The following SURF6 variants were observed in gnomAD, a reference collection of about 807,000 sequenced individuals.
SURF6 encodes the protein surfeit 6, also known as surfeit locus protein 6.
A neutral mutation model predicts 37.5 loss-of-function variants in SURF6; 28 were observed. The ratio of observed to expected loss-of-function variants is 0.75; its 90% CI spans 0.55 to 1.02. The LOEUF is 1.02. Among genes scored for constraint, SURF6 ranks in the 50% least tolerant of loss-of-function variants. The pLI is 0.00. For synonymous variants in SURF6, 248 were observed against 210.9 expected (o/e 1.18, Z -1.52); for missense variants, 560 against 490.5 (o/e 1.14, Z -1.34).
rs974721241 is a variant in SURF6, at chr9:133,331,689, T to C, written c.*180A>G. ...GCGTTCAAGGATGACGCTGAAACTC[T>C]CTCTTTCTCACATGGGATCTGTGAT... is the stretch of plus-strand genomic sequence containing the variant. On this transcript the variant is annotated 3_prime_UTR_variant, in exon 5 of 5. Transcript: ENST00000372022. 5.0e-6 allele frequency: 4 copies of C among 798,650 alleles called. No homozygotes were observed. Among genetic ancestry groups the C allele is most frequent in the Non-Finnish European group, 7.0e-6 (4 of 573,518 alleles). 49.5% of individuals were successfully genotyped at this position (798,650 alleles called of 1,614,324 possible). A position where few individuals can be genotyped will look rare whatever the true frequency, so the allele number is the denominator to read the frequency against.
chr9:133,333,866 G>A, intron 2 of SURF6, 60 bp from the exon 3 acceptor site: 2 of 1,433,508 alleles, frequency 1.4e-6, no homozygotes, highest in Non-Finnish European at 9.7e-7. Context: ...TCCCTCCCTA[G>A]GGCCACGAAT....
Position 133,332,120 on chromosome 9 carries a change from C to T in SURF6, c.835G>A (p.Gly279Ser). 1 of 1,610,442 alleles carries T rather than the reference C, an allele frequency of 6.2e-7. No individual in the cohort carries two copies. The part of the protein sequence containing the change: ...KWTNLLYKAE[G>S]VKIRDDERLL... The stretch of plus-strand genomic sequence containing the variant: ...CGTTCGTCGTCACGGATCTTCACGC[C>T]CTCCGCCTTGTAGAGGAGGTTGGTC... Residue 279 changes from glycine (G) to serine (S), a missense_variant, in exon 5 of 5, where the codon GGC (glycine) becomes AGC (serine). By Grantham distance (56) the Gly-to-Ser change is moderately conservative. Coordinates refer to ENST00000372022, the MANE Select transcript of SURF6 (RefSeq NM_006753.6).
Position 133,332,536 on chromosome 9 carries a change from G to C in SURF6, c.606+12C>G. On this transcript the variant is annotated intron_variant, in intron 4 of 4. Coordinates refer to ENST00000372022, the MANE Select transcript of SURF6 (RefSeq NM_006753.6). ...CCGACCCAGCCCGCCCAAGGACCCAGCTCCCGCTCACCTTATTGAAGATCA... is the reference window on the plus strand; with the variant it reads ...CCGACCCAGCCCGCCCAAGGACCCACCTCCCGCTCACCTTATTGAAGATCA... The C allele has an allele frequency of 6.2e-7, 1 of 1,605,122 alleles. No individual in the cohort carries two copies. Among genetic ancestry groups the C allele is most frequent in the Non-Finnish European group, 8.5e-7 (1 of 1,177,862 alleles).
intron 1 of SURF6, among the ~76,000 whole-genome samples, chr9:133,335,334 A>AAAAT (rs1554766134): frequency 7.3e-5 from 11 of 151,368 alleles, no homozygotes; most frequent in East Asian, 3.9e-4. Flanking sequence ...AAAAAAAAAA[A>AAAAT]TTTCAAAAAG....
At chr9:133,332,871 G>T (rs2129921817) in intron 3 of SURF6, 111 bp from the exon 4 acceptor site, 2 of 1,058,410 alleles carry the variant, frequency 1.9e-6, no homozygotes, top group African/African-American at 1.6e-5. Flanking sequence ...AAATCCTCAC[G>T]CAAACAAGGG....
In SURF6 at chr9:133,330,143, C is replaced by T. The variant is rs1321340893; in HGVS notation, c.*1726G>A. ...CTTTAGCTTTAAAAATACAGACATA[C>T]AGCGTATGTGTGTATAAATGGCACT... On this transcript the variant is annotated 3_prime_UTR_variant, in exon 5 of 5. Coordinates refer to ENST00000372022, the MANE Select transcript of SURF6 (RefSeq NM_006753.6). 2.6e-5 allele frequency: 4 copies of T among 152,232 alleles called. No homozygotes were observed. The highest frequency in any genetic ancestry group is 7.2e-5 in the African/African-American group (3 of 41,450). 9.4% of individuals were successfully genotyped at this position (152,232 alleles called of 1,614,324 possible).
chr9:133,329,389 C>T lies in SURF6; in HGVS notation c.*2480G>A. ...GAAGAGCAGAGTCTTCTCTAAACTC[C>T]TCCAGGGAAAGGGACACTCCCTTTC... is the stretch of plus-strand genomic sequence containing the variant. On this transcript the variant is annotated 3_prime_UTR_variant, in exon 5 of 5. Coordinates refer to ENST00000372022, the MANE Select transcript of SURF6 (RefSeq NM_006753.6). 4.1e-6 allele frequency: 1 copy of T among 241,386 alleles called. No homozygotes were observed. Among genetic ancestry groups the T allele is most frequent in the Non-Finnish European group, 8.4e-6 (1 of 119,744 alleles). 15.0% of individuals were successfully genotyped at this position (241,386 alleles called of 1,614,324 possible).
chr9:133,332,493 C>A (rs1189940147), intron 4 of SURF6, 55 bp downstream of exon 4: 2 of 1,580,358 alleles, frequency 1.3e-6, no homozygotes, highest in Non-Finnish European at 1.7e-6. Context: ...TAACAAGGGG[C>A]AACGCTGAGG....
At chr9:133,334,034 G>A (rs1426623177) in intron 2 of SURF6, among the ~76,000 whole-genome samples, 1 of 152,132 alleles carries the variant, frequency 6.6e-6, no homozygotes, top group African/African-American at 2.4e-5. Context: ...ACTTCCTACG[G>A]TGCAAGCCAA....
At position 133,331,857 on chromosome 9, in the gene SURF6, G is replaced by C. The variant is rs2129911971; in HGVS notation, c.*12C>G. ...CCTAGGACGGAAGACGGCGGCCCCA[G>C]GTGGGAAAGACTCAGACCAGGCCTG... On this transcript the variant is annotated 3_prime_UTR_variant, in exon 5 of 5. Transcript: ENST00000372022. The C allele has an allele frequency of 6.0e-6, 9 of 1,497,530 alleles. No individual in the cohort carries two copies. The highest frequency in any genetic ancestry group is 4.9e-4 in the Middle Eastern group (2 of 4,064). 92.8% of individuals were successfully genotyped at this position (1,497,530 alleles called of 1,614,324 possible). A position where few individuals can be genotyped will look rare whatever the true frequency, so the allele number is the denominator to read the frequency against.
Position 133,335,912 on chromosome 9 carries a change from G to A in SURF6, c.94+127C>T, listed in dbSNP as rs2129933052. The stretch of plus-strand genomic sequence containing the variant: ...ACAAAAACAAAAAAAACAAATAAGG[G>A]AAACGGCGATAATTTCACAAGTCAC... On this transcript the variant is annotated intron_variant, in intron 1 of 4. Coordinates refer to ENST00000372022, the MANE Select transcript of SURF6 (RefSeq NM_006753.6). 1.3e-3 allele frequency: 973 copies of A among 745,548 alleles called. 3 individuals carry two copies. The highest frequency in any genetic ancestry group is 1.9e-3 in the Non-Finnish European group (897 of 474,800). The allele number at this position is 745,548 out of a possible 1,614,324, so 46.2% of individuals were successfully genotyped here. A position where few individuals can be genotyped will look rare whatever the true frequency, so the allele number is the denominator to read the frequency against.
Position 133,331,736 on chromosome 9 carries a change from G to A in SURF6, c.*133C>T, listed in dbSNP as rs2119040820. 2.5e-6 allele frequency: 3 copies of A among 1,221,114 alleles called. No homozygotes were observed. Among genetic ancestry groups the A allele is most frequent in the Non-Finnish European group, 2.1e-6 (2 of 933,532 alleles). The allele number at this position is 1,221,114 out of a possible 1,614,324, so 75.6% of individuals were successfully genotyped here. A position where few individuals can be genotyped will look rare whatever the true frequency, so the allele number is the denominator to read the frequency against. On this transcript the variant is annotated 3_prime_UTR_variant, in exon 5 of 5. Coordinates refer to ENST00000372022, the MANE Select transcript of SURF6 (RefSeq NM_006753.6). ...TGATCTGGGCCCTCACAACTCAGCAGAGCACCACTGTGTCCCCCTCACATG... is the reference window on the plus strand; with the variant it reads ...TGATCTGGGCCCTCACAACTCAGCAAAGCACCACTGTGTCCCCCTCACATG...
Position 133,332,107 on chromosome 9 carries a change from CG to C in SURF6, c.847del (p.Arg283ValfsTer11). 1 of 1,609,904 alleles carries C rather than the reference CG, an allele frequency of 6.2e-7. No individual in the cohort carries two copies. The highest frequency in any genetic ancestry group is 8.5e-7 in the Non-Finnish European group (1 of 1,179,934). On this transcript the variant is annotated frameshift_variant, in exon 5 of 5. Coordinates refer to ENST00000372022, the MANE Select transcript of SURF6 (RefSeq NM_006753.6). LOFTEE classifies it high-confidence loss of function. ...LLYKAEGVKI[R>X]DDERLLQEAL... Reference sequence around the variant, plus strand: ...CTCCTGCAGCAGGCGTTCGTCGTCACGGATCTTCACGCCCTCCGCCTTGTAG... The same window carrying C: ...CTCCTGCAGCAGGCGTTCGTCGTCACGATCTTCACGCCCTCCGCCTTGTAG...
intron 2 of SURF6, 121 bp from the exon 3 acceptor site, chr9:133,333,927 TC>T: frequency 1.3e-6 from 1 of 780,568 alleles, no homozygotes; most frequent in Non-Finnish European, 2.2e-6. Context: ...TCCAGTAAAT[TC>T]CACTCCACCG....
chr9:133,334,016 G>A (rs2129925869), intron 2 of SURF6, among the ~76,000 whole-genome samples: 2 of 152,186 alleles, frequency 1.3e-5, no homozygotes, highest in Non-Finnish European at 2.9e-5. Flanking sequence ...ACCGTGGTAT[G>A]AGAAAACACT....
intron 1 of SURF6, among the ~76,000 whole-genome samples, chr9:133,335,768 C>CG: frequency 6.6e-6 from 1 of 151,632 alleles, no homozygotes; most frequent in Admixed American, 6.6e-5. Context: ...GCCGGCTACT[C>CG]GGGAGGCTGA....
chr9:133,333,782 G>C lies in SURF6; in HGVS notation c.329C>G (p.Ser110Cys). 2 of 1,613,862 alleles carry C rather than the reference G, an allele frequency of 1.2e-6. No homozygotes were observed. The highest frequency in any genetic ancestry group is 1.7e-6 in the Non-Finnish European group (2 of 1,179,880). Residue 110 changes from serine (S) to cysteine (C), a missense_variant, in exon 3 of 5, where the codon TCT becomes TGT. Physicochemically the swap from Ser to Cys is moderately radical, Grantham distance 112. Coordinates refer to ENST00000372022, the MANE Select transcript of SURF6 (RefSeq NM_006753.6). ...PADGLATEPE[S>C]VFALDVLRQR... Reference sequence around the variant, plus strand: ...TCGCAGAACATCCAGAGCAAAGACAGACTCAGGCTCAGTGGCCAGGCCATC... The same window carrying C: ...TCGCAGAACATCCAGAGCAAAGACACACTCAGGCTCAGTGGCCAGGCCATC...
In SURF6 at chr9:133,330,324, C is replaced by G. The variant is rs2129906010; in HGVS notation, c.*1545G>C. 1 of 152,152 alleles carries G rather than the reference C, an allele frequency of 6.6e-6. No individual in the cohort carries two copies. Among genetic ancestry groups the G allele is most frequent in the Non-Finnish European group, 1.5e-5 (1 of 68,038 alleles). 9.4% of individuals were successfully genotyped at this position (152,152 alleles called of 1,614,324 possible). On this transcript the variant is annotated 3_prime_UTR_variant, in exon 5 of 5. Transcript: ENST00000372022. ...CGATCTTGGCTCACTGCAGCCTCTA[C>G]CTCCTGGGTTCAAGTGATTCTCCCG... is the stretch of plus-strand genomic sequence containing the variant.
intron 3 of SURF6, among the ~76,000 whole-genome samples, chr9:133,333,299 T>TC (rs1835793981): frequency 6.6e-6 from 1 of 151,774 alleles, no homozygotes; most frequent in East Asian, 1.9e-4. Context: ...CTGGGGACTG[T>TC]CCCCCACACA....
Sources: allele counts gnomAD v4.1 joint callset (sites outside exome capture counted in the v4.1 genomes callset), GRCh38; gene constraint gnomAD v4.1.1; transcripts MANE v1.5; gene names NCBI Gene and HGNC (gene_info 2026-07-23, HGNC 2026-07-21).